Variants in FAM193A observed in about 807,000 individuals in gnomAD.
FAM193A encodes the protein family with sequence similarity 193 member A.
Under a neutral mutation model 126.5 loss-of-function variants are expected in FAM193A, and 22 were observed. That is an observed-to-expected ratio of 0.17 (90% CI 0.12 to 0.25). FAM193A has a LOEUF of 0.25. Ranked by LOEUF, FAM193A falls within the 10% of genes least tolerant of loss-of-function variation. FAM193A has a pLI of 1.00. For missense variants in FAM193A, 1,675 were observed against 1,672.8 expected (o/e 1.00, Z -0.02); for synonymous variants, 761 against 646.8 (o/e 1.18, Z -2.68).
chr4:2,560,349 G>A (rs749596511), intron 1 of FAM193A, among the ~76,000 whole-genome samples: 7 of 152,108 alleles, frequency 4.6e-5, no homozygotes, highest in African/African-American at 7.2e-5. Context: ...TTCACCGTCC[G>A]AGGCCAGGCT....
chr4:2,671,748 A>G (rs1713819101), intron 12 of FAM193A, among the ~76,000 whole-genome samples: 2 of 152,190 alleles, frequency 1.3e-5, no homozygotes, highest in Admixed American at 6.5e-5. Flanking sequence ...ATGTGTGACT[A>G]CTTAGAAGCA....
At chr4:2,554,386 CTGTA>C (rs1285427749) in intron 1 of FAM193A, among the ~76,000 whole-genome samples, 3 of 152,110 alleles carry the variant, frequency 2.0e-5, no homozygotes, top group Non-Finnish European at 2.9e-5. Flanking sequence ...GTCCGGCCAC[CTGTA>C]TCTCTCTATT....
chr4:2,582,677 T>C (rs1740018610), intron 1 of FAM193A, among the ~76,000 whole-genome samples: 1 of 152,176 alleles, frequency 6.6e-6, no homozygotes, highest in African/African-American at 2.4e-5. Context: ...TCAACCGTTA[T>C]TTCTTCTGCT....
Position 2,625,297 on chromosome 4 carries a change from C to T in FAM193A, c.537C>T (p.Gly179=), listed in dbSNP as rs1742840677. 2.8e-6 allele frequency: 2 copies of T among 702,868 alleles called. No homozygotes were observed. Among genetic ancestry groups the T allele is most frequent in the Non-Finnish European group, 5.2e-6 (2 of 384,954 alleles). 43.5% of individuals were successfully genotyped at this position (702,868 alleles called of 1,614,324 possible). ...QDFLLHSSLG[G]SQPEAGSGGR... The stretch of plus-strand genomic sequence containing the variant: ...TTCTTCTTCACTCCTCGCTTGGTGG[C>T]TCCCAGCCAGAGGCCGGCAGTGGTG... Residue 179 remains glycine (G), a synonymous_variant, in exon 3 of 21, where the codon GGC becomes GGT. Coordinates refer to ENST00000637812, the MANE Select transcript of FAM193A (RefSeq NM_001366318.2).
intron 14 of FAM193A, 75 bp downstream of exon 14, chr4:2,689,779 G>A (rs1392103409): frequency 1.7e-5 from 19 of 1,110,568 alleles, no homozygotes; most frequent in East Asian, 5.4e-5. Context: ...GTAGTCTCCC[G>A]TGGAAGCCCT....
intron 7 of FAM193A, among the ~76,000 whole-genome samples, chr4:2,648,249 C>T (rs1463618596): frequency 1.3e-5 from 2 of 152,144 alleles, no homozygotes; most frequent in East Asian, 3.9e-4. Flanking sequence ...TCGTCACATG[C>T]GGAATTCTGT....
At chr4:2,554,760 T>G (rs1386093724) in intron 1 of FAM193A, among the ~76,000 whole-genome samples, 1 of 152,232 alleles carries the variant, frequency 6.6e-6, no homozygotes, top group Non-Finnish European at 1.5e-5. Context: ...AAGCTGTGTT[T>G]GATGCATATA....
intron 19 of FAM193A, among the ~76,000 whole-genome samples, chr4:2,701,772 A>G (rs1440927495): frequency 6.6e-6 from 1 of 150,842 alleles, no homozygotes; most frequent in African/African-American, 2.5e-5. Context: ...GTGTTGTCAT[A>G]TGGTGATTTT....
chr4:2,626,731 C>A (rs549087684), intron 4 of FAM193A, among the ~76,000 whole-genome samples, 154 bp downstream of exon 4: 2 of 152,266 alleles, frequency 1.3e-5, no homozygotes, highest in South Asian at 4.1e-4. Flanking sequence ...GATGAACTGG[C>A]AAAAGTGAGC....
intron 1 of FAM193A, among the ~76,000 whole-genome samples, chr4:2,563,947 A>C (rs1738783128): frequency 6.6e-6 from 1 of 152,210 alleles, no homozygotes. Flanking sequence ...AAATTGTATT[A>C]AGCTCAGAGA....
intron 2 of FAM193A, among the ~76,000 whole-genome samples, chr4:2,607,539 T>C (rs79987645): frequency 6.6e-6 from 1 of 152,230 alleles, no homozygotes; most frequent in Non-Finnish European, 1.5e-5. Flanking sequence ...GCTCAACTTT[T>C]TAATATCTGT....
chr4:2,694,946 T>C lies in FAM193A; in HGVS notation c.3093T>C (p.Ser1031=), dbSNP rs199928049. The C allele has an allele frequency of 5.2e-5, 82 of 1,592,056 alleles. 1 individual carries two copies. Among genetic ancestry groups the C allele is most frequent in the South Asian group, 3.4e-5 (3 of 86,970 alleles). ...GSISAPPSVC[S]DPDCEGHRCE... is the part of the protein sequence containing the mutation. ...GATGAGCTTGTATGCGGTTTTGCAG[T>C]GACCCTGACTGCGAAGGGCACCGCT... Residue 1031 remains serine (S), a splice_region_variant and synonymous_variant, in exon 17 of 21, where the codon AGT becomes AGC. Coordinates refer to ENST00000637812, the MANE Select transcript of FAM193A (RefSeq NM_001366318.2).
rs992487649 is a variant in FAM193A at position 2,622,278 on chromosome 4, A to C, written c.502-2984A>C. The stretch of plus-strand genomic sequence containing the variant: ...TCTCCAAAAAAAAAAAAAAAAAAAA[A>C]AAAAACCTAAATGTCTCATCTAATT... On this transcript the variant is annotated intron_variant, in intron 2 of 20. Coordinates refer to ENST00000637812, the MANE Select transcript of FAM193A (RefSeq NM_001366318.2). Among the ~76,000 whole-genome samples the C allele has an allele frequency of 2.0e-5, 3 of 150,716 alleles. No individual in the cohort carries two copies. The East Asian group carries it at 5.8e-4, about 29-fold the overall frequency.
At chr4:2,656,408 T>C (rs564663826) in intron 7 of FAM193A, among the ~76,000 whole-genome samples, 2 of 152,186 alleles carry the variant, frequency 1.3e-5, no homozygotes, top group Non-Finnish European at 2.9e-5. Flanking sequence ...AGAATTTGGC[T>C]CAAGAAGTTA....
intron 13 of FAM193A, among the ~76,000 whole-genome samples, chr4:2,678,338 GTGTTT>G (rs1260912798): frequency 2.7e-5 from 4 of 146,278 alleles, no homozygotes; most frequent in Admixed American, 1.4e-4. Flanking sequence ...ATTCCCGTTG[GTGTTT>G]TGTTTTGGTT....
chr4:2,629,892 A>G (rs1040188852), intron 4 of FAM193A, among the ~76,000 whole-genome samples: 3 of 152,144 alleles, frequency 2.0e-5, no homozygotes, highest in Non-Finnish European at 4.4e-5. Context: ...CAGTACTTTG[A>G]GAGGCCAAGG....
intron 19 of FAM193A, chr4:2,708,155 C>G (rs749493116): frequency 2.2e-6 from 1 of 448,242 alleles, no homozygotes; most frequent in Non-Finnish European, 4.5e-6. Flanking sequence ...GATGGAGTTT[C>G]GCTCTTGTTG....
intron 2 of FAM193A, among the ~76,000 whole-genome samples, chr4:2,609,956 G>C (rs755477827): frequency 2.0e-5 from 3 of 149,926 alleles, no homozygotes; most frequent in Non-Finnish European, 4.4e-5. Context: ...TGCTGGCTGG[G>C]CGCAGTGGCT....
intron 1 of FAM193A, among the ~76,000 whole-genome samples, chr4:2,561,934 C>T (rs1034408369): frequency 4.6e-5 from 7 of 152,114 alleles, no homozygotes; most frequent in Admixed American, 4.6e-4. Flanking sequence ...TTAGATCAAA[C>T]TCTTCTTCCC....
Sources: gnomAD v4.1 joint callset for allele counts (sites outside exome capture counted in the v4.1 genomes callset) on GRCh38, gnomAD v4.1.1 for gene constraint, MANE v1.5 for transcripts, NCBI Gene and HGNC (gene_info 2026-07-23, HGNC 2026-07-21) for gene names.